The following ULK4 variants were observed in gnomAD, a reference collection of about 807,000 sequenced individuals.
The protein encoded by ULK4 is unc-51 like kinase 4.
A neutral mutation model predicts 160.6 loss-of-function variants in ULK4; 133 were observed. That is an observed-to-expected ratio of 0.83 (90% confidence interval 0.72 to 0.96). The LOEUF (loss-of-function observed/expected upper bound fraction) is 0.96. ULK4 is among the 40% of genes least tolerant of loss of function. The pLI is 0.00. For missense variants in ULK4, 1,580 were observed against 1,499.5 expected (o/e 1.05, Z -0.89); for synonymous variants, 534 against 539.8 (o/e 0.99, Z 0.15).
At chr3:41,895,707 A>G in intron 15 of ULK4, 143 bp from the exon 16 acceptor site, 1 of 418,198 alleles carries the variant, frequency 2.4e-6, no homozygotes, top group East Asian at 4.1e-5. Context: ...TATTTACTAA[A>G]TTACAAAGGC....
chr3:41,841,364 A>C (rs909859746), intron 17 of ULK4, among the ~76,000 whole-genome samples: 1 of 146,654 alleles, frequency 6.8e-6, no homozygotes, highest in African/African-American at 2.6e-5. Flanking sequence ...CTGGGAAGTG[A>C]GGAGCGCCTC....
chr3:41,882,768 G>A (rs965839138), intron 17 of ULK4, among the ~76,000 whole-genome samples: 3 of 152,138 alleles, frequency 2.0e-5, no homozygotes, highest in Non-Finnish European at 2.9e-5. Context: ...TGGACTTTAA[G>A]TTCTCTCCCA....
chr3:41,684,445 G>T (rs1363330082), intron 27 of ULK4, among the ~76,000 whole-genome samples: 1 of 152,198 alleles, frequency 6.6e-6, no homozygotes, highest in Non-Finnish European at 1.5e-5. Context: ...GTCTTTGAGA[G>T]CTTGACCTTA....
intron 22 of ULK4, among the ~76,000 whole-genome samples, chr3:41,721,347 T>C (rs1389123568): frequency 1.7e-5 from 1 of 58,088 alleles, no homozygotes; most frequent in Admixed American, 2.1e-4. Context: ...TATATATATA[T>C]ATATATATAT....
At chr3:41,950,055 T>G (rs890360273) in intron 2 of ULK4, among the ~76,000 whole-genome samples, 2 of 151,958 alleles carry the variant, frequency 1.3e-5, no homozygotes, top group African/African-American at 4.8e-5. Context: ...GAGTTTTGAT[T>G]GATGCAGGTA....
intron 33 of ULK4, among the ~76,000 whole-genome samples, chr3:41,462,613 T>C (rs2083713831): frequency 6.6e-6 from 1 of 152,176 alleles, no homozygotes; most frequent in Non-Finnish European, 1.5e-5. Context: ...GTATCAGTCA[T>C]AAGGGAAAGA....
Position 41,935,896 on chromosome 3 carries a change from C to G in ULK4, c.283G>C (p.Glu95Gln). The G allele has an allele frequency of 1.2e-6, 2 of 1,613,976 alleles. No individual in the cohort carries two copies. Among genetic ancestry groups the G allele is most frequent in the Non-Finnish European group, 1.7e-6 (2 of 1,179,976 alleles). The stretch of plus-strand genomic sequence containing the variant: ...ATTCCAAATTCTCTCACAACATCTT[C>G]TGGGAGGTTTTCATCTTGAGCAATA... ...TVIAQDENLP[E>Q]DVVREFGIDL... Residue 95 changes from glutamate to glutamine, a missense_variant, in exon 4 of 37, where the codon GAA (glutamate) becomes CAA (glutamine). Glu to Gln is a conservative substitution (Grantham distance 29). Coordinates refer to ENST00000301831, the MANE Select transcript of ULK4 (RefSeq NM_017886.4).
At chr3:41,654,936 T>C (rs1156239290) in intron 30 of ULK4, among the ~76,000 whole-genome samples, 1 of 152,206 alleles carries the variant, frequency 6.6e-6, no homozygotes, top group East Asian at 1.9e-4. Flanking sequence ...AGAGACTGAC[T>C]TGCTTCTCAC....
chr3:41,401,296 G>T (rs1275083481), intron 34 of ULK4, among the ~76,000 whole-genome samples: 2 of 151,824 alleles, frequency 1.3e-5, no homozygotes, highest in African/African-American at 2.4e-5. Flanking sequence ...ACTTAATTTT[G>T]GGTTTTTATA....
chr3:41,825,907 GAGAAAGGTCGGGTTACCC>G (rs1418057100), intron 18 of ULK4, among the ~76,000 whole-genome samples: 1 of 152,210 alleles, frequency 6.6e-6, no homozygotes, highest in Non-Finnish European at 1.5e-5. Context: ...GGCAGCCAGA[GAGAAAGGTCGGGTTACCC>G]ACAAAGGGAA....
intron 35 of ULK4, among the ~76,000 whole-genome samples, chr3:41,363,405 C>G (rs796579841): frequency 1.3e-5 from 2 of 152,280 alleles, no homozygotes; most frequent in African/African-American, 4.8e-5. Flanking sequence ...TTTGGCGAAT[C>G]AGGAAAAAGA....
intron 22 of ULK4, among the ~76,000 whole-genome samples, chr3:41,745,702 A>G (rs1167415978): frequency 6.6e-6 from 1 of 151,796 alleles, no homozygotes; most frequent in Admixed American, 6.5e-5. Context: ...GGAGAAAGCA[A>G]GCAAGCAAAC....
At chr3:41,783,229 T>C (rs1255919914) in intron 21 of ULK4, among the ~76,000 whole-genome samples, 2 of 152,202 alleles carry the variant, frequency 1.3e-5, no homozygotes, top group African/African-American at 4.8e-5. Context: ...GAATTTTCTT[T>C]TTTTATTTAA....
At chr3:41,702,348 T>C (rs1398146464) in intron 27 of ULK4, among the ~76,000 whole-genome samples, 2 of 152,134 alleles carry the variant, frequency 1.3e-5, no homozygotes, top group East Asian at 3.9e-4. Context: ...TTTCACTATG[T>C]TGGCCAGGCT....
intron 21 of ULK4, among the ~76,000 whole-genome samples, chr3:41,787,333 A>T (rs1464279008): frequency 6.6e-6 from 1 of 152,164 alleles, no homozygotes; most frequent in East Asian, 1.9e-4. Flanking sequence ...GCATCAGTGG[A>T]GGCAATGATG....
chr3:41,660,811 C>T (rs1374904648), intron 30 of ULK4, among the ~76,000 whole-genome samples: 2 of 152,036 alleles, frequency 1.3e-5, no homozygotes, highest in Non-Finnish European at 2.9e-5. Flanking sequence ...CACAGGTATC[C>T]AGAAAGAGCT....
chr3:41,545,079 A>T (rs2086812539), intron 32 of ULK4, among the ~76,000 whole-genome samples: 1 of 151,964 alleles, frequency 6.6e-6, no homozygotes, highest in South Asian at 2.1e-4. Flanking sequence ...CAATTTACTC[A>T]TTGTTTTTGT....
intron 35 of ULK4, among the ~76,000 whole-genome samples, chr3:41,391,511 G>C (rs1054080361): frequency 6.6e-6 from 1 of 151,632 alleles, no homozygotes; most frequent in East Asian, 1.9e-4. Context: ...ATACCTCAAG[G>C]AATATTTCTT....
intron 31 of ULK4, among the ~76,000 whole-genome samples, chr3:41,614,066 CA>C (rs2032836406): frequency 6.6e-6 from 1 of 152,152 alleles, no homozygotes; most frequent in Admixed American, 6.5e-5. Context: ...AGAGATTAAT[CA>C]AGTATGAAGG....
Sources: gnomAD v4.1 joint callset for allele counts (sites outside exome capture counted in the v4.1 genomes callset) on GRCh38, gnomAD v4.1.1 for gene constraint, MANE v1.5 for transcripts, NCBI Gene and HGNC (gene_info 2026-07-23, HGNC 2026-07-21) for gene names.